The following PLAAT5 variants were observed in gnomAD, a reference collection of about 807,000 sequenced individuals.
PLAAT5 encodes the protein phospholipase A and acyltransferase 5, also known as Ca(2+)-independent N-acyltransferase.
PLAAT5 carries 27 observed loss-of-function variants against 27.8 expected under a neutral mutation model. The ratio of observed to expected loss-of-function variants is 0.97; its 90% confidence interval spans 0.72 to 1.34. PLAAT5 has a LOEUF of 1.34. Ranked by LOEUF, PLAAT5 falls within the 40% of genes most tolerant of loss-of-function variation. PLAAT5 has a pLI of 0.00. For synonymous variants in PLAAT5, 125 were observed against 136.1 expected, an observed-to-expected ratio of 0.92 and a Z score of 0.57; for missense variants, 368 against 343.8, an observed-to-expected ratio of 1.07 and a Z score of -0.56.
chr11:63,478,585 T>C (rs559456681), intron 3 of PLAAT5, among the ~76,000 whole-genome samples: 9 of 152,382 alleles, frequency 5.9e-5, no homozygotes, highest in African/African-American at 2.2e-4. Context: ...AGTGCTGGGA[T>C]TACAGGCGTG....
Position 63,489,065 on chromosome 11 carries a change from T to C in PLAAT5, c.240-89A>G, listed in dbSNP as rs529456131. The C allele has an allele frequency of 3.6e-5, 34 of 945,826 alleles. No individual in the cohort carries two copies. In the South Asian group the frequency reaches 5.1e-4, roughly 14 times the overall value. The allele number at this position is 945,826 out of a possible 1,614,324, so 58.6% of individuals were successfully genotyped here. A position where few individuals can be genotyped will look rare whatever the true frequency, so the allele number is the denominator to read the frequency against. On this transcript the variant is annotated intron_variant, in intron 2 of 5. Coordinates refer to ENST00000540857, the MANE Select transcript of PLAAT5 (RefSeq NM_001146729.2). ...TATTACAGATTTGTGATTTTTAAGA[T>C]GGCTTTTGGTTTGGAGACTGTAGGG... is the stretch of plus-strand genomic sequence containing the variant.
chr11:63,463,339 G>A lies in PLAAT5; in HGVS notation c.*164C>T, dbSNP rs879097602. On this transcript the variant is annotated 3_prime_UTR_variant, in exon 6 of 6. Transcript: ENST00000540857. Reference sequence around the variant, plus strand: ...CCTGAGAGTCTGTGGGTCTATGCTCGTATATATTGGATGTATTTCTGGAAG... The same window carrying A: ...CCTGAGAGTCTGTGGGTCTATGCTCATATATATTGGATGTATTTCTGGAAG... 1.7e-4 allele frequency: 116 copies of A among 669,398 alleles called. No individual in the cohort carries two copies. Among genetic ancestry groups the A allele is most frequent in the Non-Finnish European group, 7.3e-5 (27 of 369,416 alleles). The allele number at this position is 669,398 out of a possible 1,614,324, so 41.5% of individuals were successfully genotyped here. A position where few individuals can be genotyped will look rare whatever the true frequency, so the allele number is the denominator to read the frequency against.
At chr11:63,485,031 C>A (rs1452439094) in intron 3 of PLAAT5, among the ~76,000 whole-genome samples, 1 of 151,586 alleles carries the variant, frequency 6.6e-6, no homozygotes, top group Non-Finnish European at 1.5e-5. Flanking sequence ...GAACTCAACC[C>A]CTTCTAAAAC....
rs137961429 is a variant in PLAAT5, at chr11:63,467,789, C to T, written c.454+568G>A. 7.0e-3 allele frequency among the ~76,000 whole-genome samples: 1,068 copies of T among 152,258 alleles called. 13 individuals are homozygous for T. Among genetic ancestry groups the T allele is most frequent in the African/African-American group, 0.025 (1,036 of 41,546 alleles). On this transcript the variant is annotated intron_variant, in intron 4 of 5. Coordinates refer to ENST00000540857, the MANE Select transcript of PLAAT5 (RefSeq NM_001146729.2). ...ATCACCTCCTCCCCCATCAAATCTC[C>T]ACTAAGATTTAATTAACACAAATTG...
chr11:63,466,245 G>A lies in PLAAT5; in HGVS notation c.582C>T (p.Tyr194=). ...WKVNNKLDGT[Y]LPLPVDKIIQ... ...TGATCTTGTCCACCGGCAAGGGCAG[G>A]TACGTCCCATCTAGCTTGTTATTGA... Residue 194 remains tyrosine, a synonymous_variant, in exon 5 of 6, where the codon TAC becomes TAT. Coordinates refer to ENST00000540857, the MANE Select transcript of PLAAT5 (RefSeq NM_001146729.2). 1 of 1,614,144 alleles carries A rather than the reference G, an allele frequency of 6.2e-7. No homozygotes were observed. The highest frequency in any genetic ancestry group is 8.5e-7 in the Non-Finnish European group (1 of 1,180,038).
intron 3 of PLAAT5, among the ~76,000 whole-genome samples, chr11:63,488,054 A>G (rs1269778787): frequency 6.6e-6 from 1 of 152,218 alleles, no homozygotes; most frequent in Non-Finnish European, 1.5e-5. Context: ...CTGAGGCAGG[A>G]GAATGGCGTG....
chr11:63,475,673 C>CT (rs76183717), intron 3 of PLAAT5, among the ~76,000 whole-genome samples: 8,699 of 152,002 alleles, frequency 0.057, 679 homozygotes, highest in African/African-American at 0.17. Context: ...TACATCACGT[C>CT]TTTTTTGTTC....
chr11:63,483,647 CAAA>C (rs899244670), intron 3 of PLAAT5, among the ~76,000 whole-genome samples: 2 of 64,268 alleles, frequency 3.1e-5, no homozygotes, highest in Admixed American at 1.8e-4. Context: ...ATGCCTACAC[CAAA>C]AAAAAAAAAA....
chr11:63,478,027 G>A (rs939290008), intron 3 of PLAAT5, among the ~76,000 whole-genome samples: 4 of 152,140 alleles, frequency 2.6e-5, no homozygotes, highest in Non-Finnish European at 4.4e-5. Context: ...ATCATTACCT[G>A]GATTTCCATG....
At position 63,466,131 on chromosome 11, in the gene PLAAT5, A is replaced by G. The variant is rs1462345721; in HGVS notation, c.696T>C (p.Tyr232=). Residue 232 remains tyrosine (Y), a synonymous_variant, in exon 5 of 6, where the codon TAT becomes TAC. Transcript: ENST00000540857. ...NCEHFVNGLR[Y]GVPRSQQVEH... ...ACACCTGCTGGCTCCGGGGTACGCC[A>G]TATCTGAGGCCATTGACAAAGTGCT... The G allele has an allele frequency of 4.3e-6, 7 of 1,614,004 alleles. No homozygotes were observed. Among genetic ancestry groups the G allele is most frequent in the Middle Eastern group, 3.3e-4 (2 of 6,038 alleles).
chr11:63,477,300 C>T (rs766345351), intron 3 of PLAAT5, among the ~76,000 whole-genome samples: 8 of 151,946 alleles, frequency 5.3e-5, no homozygotes, highest in Non-Finnish European at 1.2e-4. Flanking sequence ...GGTAACATAC[C>T]GTAGCAACTG....
At chr11:63,490,749 T>C in intron 1 of PLAAT5, 138 bp downstream of exon 1, 1 of 825,116 alleles carries the variant, frequency 1.2e-6, no homozygotes, top group Non-Finnish European at 1.8e-6. Context: ...AAGCGGTCGT[T>C]CTGAAATACT....
chr11:63,463,668 C>G (rs986268863), intron 5 of PLAAT5, 73 bp from the exon 6 acceptor site: 6 of 1,165,516 alleles, frequency 5.1e-6, no homozygotes, highest in Non-Finnish European at 7.7e-6. Flanking sequence ...CTCCACCCCA[C>G]CATACCCATT....
At chr11:63,473,676 T>C (rs2016083891) in intron 3 of PLAAT5, among the ~76,000 whole-genome samples, 1 of 151,976 alleles carries the variant, frequency 6.6e-6, no homozygotes, top group Non-Finnish European at 1.5e-5. Flanking sequence ...ATTTTTGTCC[T>C]TTACTCTATT....
intron 3 of PLAAT5, among the ~76,000 whole-genome samples, chr11:63,474,891 T>C (rs373979991): frequency 2.6e-5 from 4 of 152,136 alleles, no homozygotes; most frequent in East Asian, 3.9e-4. Flanking sequence ...ATTTTCTAAC[T>C]TCCTTGTTCT....
At chr11:63,479,847 C>T (rs2016242405) in intron 3 of PLAAT5, among the ~76,000 whole-genome samples, 1 of 152,210 alleles carries the variant, frequency 6.6e-6, no homozygotes, top group Non-Finnish European at 1.5e-5. Context: ...TTATTTCTGG[C>T]ATTGATCAGG....
intron 3 of PLAAT5, among the ~76,000 whole-genome samples, chr11:63,475,967 T>C (rs2016143164): frequency 6.6e-6 from 1 of 152,104 alleles, no homozygotes; most frequent in Non-Finnish European, 1.5e-5. Context: ...AAGACAGTGT[T>C]ACAAATATTG....
chr11:63,465,412 G>A (rs1358090675), intron 5 of PLAAT5, among the ~76,000 whole-genome samples: 2 of 139,320 alleles, frequency 1.4e-5, no homozygotes, highest in Admixed American at 7.3e-5. Context: ...GTGTGTGTGT[G>A]TATCCAAGAT....
At chr11:63,485,568 C>A (rs2016413633) in intron 3 of PLAAT5, among the ~76,000 whole-genome samples, 1 of 152,110 alleles carries the variant, frequency 6.6e-6, no homozygotes, top group Non-Finnish European at 1.5e-5. Flanking sequence ...AATTGGCAAG[C>A]CACATGTAGA....
Sources: allele counts gnomAD v4.1 joint callset (sites outside exome capture counted in the v4.1 genomes callset), GRCh38; gene constraint gnomAD v4.1.1; transcripts MANE v1.5; gene names NCBI Gene and HGNC (gene_info 2026-07-23, HGNC 2026-07-21).